SPTBN4: variants seen among roughly 807,000 people sequenced by gnomAD.
The protein encoded by SPTBN4 is spectrin beta chain, non-erythrocytic 4.
Under a neutral mutation model 277.8 loss-of-function variants are expected in SPTBN4, and 96 were observed. The ratio of observed to expected loss-of-function variants is 0.35; its 90% CI spans 0.29 to 0.41. SPTBN4 has a LOEUF of 0.41. Among genes scored for constraint, SPTBN4 ranks in the 10% least tolerant of loss-of-function variants. SPTBN4 has a pLI of 1.00. For missense variants in SPTBN4, 3,006 were observed against 3,595.7 expected, an observed-to-expected ratio of 0.84 and a Z score of 4.19; for synonymous variants, 1,481 against 1,580.3, an observed-to-expected ratio of 0.94 and a Z score of 1.49.
At chr19:40,575,014 CA>C (rs11458145) in intron 35 of SPTBN4, among the ~76,000 whole-genome samples, 4,028 of 90,058 alleles carry the variant, frequency 0.045, 43 homozygotes, top group South Asian at 0.062. Context: ...GACTCTGTCT[CA>C]AAAAAAAAAA....
intron 3 of SPTBN4, among the ~76,000 whole-genome samples, 187 bp downstream of exon 3, chr19:40,488,035 C>T (rs944529291): frequency 6.6e-6 from 1 of 151,922 alleles, no homozygotes; most frequent in Non-Finnish European, 1.5e-5. Flanking sequence ...TGGGGCGGAG[C>T]TTGGTCGTGA....
At position 40,517,659 on chromosome 19, in the gene SPTBN4, A is replaced by G. The variant is rs1599757063; in HGVS notation, c.2904-1742A>G. Among the ~76,000 whole-genome samples, 10 of 152,326 alleles carry G rather than the reference A, an allele frequency of 6.6e-5. No individual in the cohort carries two copies. The South Asian group carries it at 2.1e-3, about 32-fold the overall frequency. The stretch of plus-strand genomic sequence containing the variant: ...TATCCAGGGATTTTAAAACCTCTGT[A>G]GCCAAGACCATCGCAAAGCATCCAG... On this transcript the variant is annotated intron_variant, in intron 15 of 35. Coordinates refer to ENST00000598249, the MANE Select transcript of SPTBN4 (RefSeq NM_020971.3).
chr19:40,474,998 G>A (rs2079931368), intron 2 of SPTBN4, among the ~76,000 whole-genome samples: 1 of 152,044 alleles, frequency 6.6e-6, no homozygotes, highest in East Asian at 1.9e-4. Flanking sequence ...GCCTCCGAAA[G>A]TGCTTTGATT....
intron 20 of SPTBN4, among the ~76,000 whole-genome samples, chr19:40,535,130 A>C (rs936828875): frequency 6.6e-6 from 1 of 152,072 alleles, no homozygotes. Context: ...ATCTCAGTCC[A>C]TTGCAGCCTC....
At position 40,506,312 on chromosome 19, in the gene SPTBN4, A is replaced by T. The variant is rs537494452; in HGVS notation, c.1742A>T (p.Glu581Val). The T allele has an allele frequency of 6.2e-7, 1 of 1,614,066 alleles. No homozygotes were observed. The highest frequency in any genetic ancestry group is 1.1e-5 in the South Asian group (1 of 91,074). Residue 581 changes from glutamate to valine, a missense_variant, in exon 13 of 36, where the codon GAG (glutamate) becomes GTG (valine). This residue lies in a region of SPTBN4 where 1,759 missense variants were observed against 2,061.5 expected (regional missense o/e 0.85). Transcript: ENST00000598249. ...CTGTTGCAGAAGCATGGACTGCTGG[A>T]GGGAGACATTGCCGCCCAGAGCGAG... ...DDLLQKHGLL[E>V]GDIAAQSERV...
chr19:40,527,062 G>C (rs192056702), intron 17 of SPTBN4, among the ~76,000 whole-genome samples: 2 of 152,158 alleles, frequency 1.3e-5, no homozygotes, highest in Non-Finnish European at 2.9e-5. Flanking sequence ...TCAGTGCTTC[G>C]CTTGCTTGTC....
chr19:40,558,929 T>TATTATG (rs1178954562), intron 26 of SPTBN4, among the ~76,000 whole-genome samples: 1 of 141,392 alleles, frequency 7.1e-6, no homozygotes, highest in Non-Finnish European at 1.5e-5. Flanking sequence ...TTATTATTAT[T>TATTATG]ATTATTATTA....
chr19:40,514,361 T>C (rs557316136), intron 14 of SPTBN4, among the ~76,000 whole-genome samples: 1 of 152,226 alleles, frequency 6.6e-6, no homozygotes, highest in African/African-American at 2.4e-5. Context: ...GTGGCTGCCA[T>C]GTGGAGGGCA....
intron 12 of SPTBN4, among the ~76,000 whole-genome samples, chr19:40,505,666 T>C (rs1235791677): frequency 3.7e-5 from 5 of 133,642 alleles, no homozygotes; most frequent in African/African-American, 1.2e-4. Flanking sequence ...GCAGACTCTG[T>C]CTCAAAAAAA....
At chr19:40,556,994 G>C (rs755620911) in intron 25 of SPTBN4, 29 bp from the exon 26 acceptor site, 16 of 1,507,922 alleles carry the variant, frequency 1.1e-5, no homozygotes, top group Middle Eastern at 1.8e-4. Flanking sequence ...TCACTTTGCT[G>C]TACCCCCCCC....
At chr19:40,495,039 A>T (rs1458589829) in intron 6 of SPTBN4, 62 bp downstream of exon 6, 1 of 1,477,392 alleles carries the variant, frequency 6.8e-7, no homozygotes, top group Non-Finnish European at 9.5e-7. Context: ...CTGCAGCTGC[A>T]CACCTGTACA....
chr19:40,495,518 C>T (rs551062126), intron 6 of SPTBN4, among the ~76,000 whole-genome samples: 16 of 151,986 alleles, frequency 1.1e-4, no homozygotes, highest in African/African-American at 3.1e-4. Flanking sequence ...TGTGGTGGTG[C>T]GCCCCTGTAG....
In SPTBN4 at chr19:40,515,195, C is replaced by G. The variant is rs1209814058; in HGVS notation, c.2766-116C>G. The G allele has an allele frequency of 3.4e-6, 4 of 1,160,098 alleles. No individual in the cohort carries two copies. The highest frequency in any genetic ancestry group is 3.5e-6 in the Non-Finnish European group (3 of 862,326). 71.9% of individuals were successfully genotyped at this position (1,160,098 alleles called of 1,614,324 possible). ...CAGCAAGTAGAAGAGAAGGAGCCCA[C>G]AAAGGAGGCTGAAAAGAAGGGTGGA... On this transcript the variant is annotated intron_variant, in intron 14 of 35. Coordinates refer to ENST00000598249, the MANE Select transcript of SPTBN4 (RefSeq NM_020971.3). The surrounding 1 kb of genome is among the most constrained non-coding windows in gnomAD (Gnocchi z 4.1).
At chr19:40,478,850 A>G (rs946825540) in intron 2 of SPTBN4, among the ~76,000 whole-genome samples, 1 of 152,140 alleles carries the variant, frequency 6.6e-6, no homozygotes, top group Non-Finnish European at 1.5e-5. Context: ...GGCCTGTATG[A>G]CTTTCATAAA....
intron 15 of SPTBN4, among the ~76,000 whole-genome samples, chr19:40,517,358 T>G (rs1312926461): frequency 6.6e-6 from 1 of 151,850 alleles, no homozygotes; most frequent in African/African-American, 2.4e-5. Context: ...GGTACGATCA[T>G]GGCTCACTAC....
intron 7 of SPTBN4, among the ~76,000 whole-genome samples, chr19:40,501,071 G>A (rs966714744): frequency 2.0e-5 from 3 of 151,906 alleles, no homozygotes; most frequent in Non-Finnish European, 4.4e-5. Context: ...ATGGAGGCTT[G>A]TCTAAGGAAA....
At chr19:40,526,790 ATTGCCCAGGGTGGTTT>A (rs548648045) in intron 17 of SPTBN4, among the ~76,000 whole-genome samples, 44 of 151,260 alleles carry the variant, frequency 2.9e-4, no homozygotes, top group African/African-American at 1.1e-3. Context: ...GTCTCACTAT[ATTGCCCAGGGTGGTTT>A]CAAACTCCTG....
intron 12 of SPTBN4, among the ~76,000 whole-genome samples, chr19:40,504,760 A>T (rs956994737): frequency 1.3e-5 from 2 of 152,068 alleles, no homozygotes; most frequent in Non-Finnish European, 2.9e-5. Flanking sequence ...AGGCTCAAGA[A>T]TTGCTTGAAT....
At position 40,519,975 on chromosome 19, in the gene SPTBN4, G is replaced by A. The variant is rs1409982198; in HGVS notation, c.3478G>A (p.Asp1160Asn). Residue 1160 changes from aspartate (D) to asparagine (N), a missense_variant, in exon 16 of 36, where the codon GAC (aspartate) becomes AAC (asparagine). Asp to Asn is a conservative substitution (Grantham distance 23, BLOSUM62 1). Transcript: ENST00000598249. This position sits in a 1 kb window ranked among gnomAD's most constrained non-coding sequence, Gnocchi z 5.7. ...VAASEALLAA[D>N]GAELGPGLAL... Reference sequence around the variant, plus strand: ...GGCCAGCGAGGCGCTGCTGGCCGCCGACGGCGCAGAGCTGGGCCCGGGCCT... The same window carrying A: ...GGCCAGCGAGGCGCTGCTGGCCGCCAACGGCGCAGAGCTGGGCCCGGGCCT... 6.5e-7 allele frequency: 1 copy of A among 1,543,354 alleles called. No individual in the cohort carries two copies. Among genetic ancestry groups the A allele is most frequent in the Non-Finnish European group, 8.7e-7 (1 of 1,152,014 alleles).
Sources: allele counts gnomAD v4.1 joint callset (sites outside exome capture counted in the v4.1 genomes callset), GRCh38; gene constraint gnomAD v4.1.1; regional missense constraint gnomAD v4.1.1; non-coding constraint Gnocchi (gnomAD v3.1); transcripts MANE v1.5; gene names NCBI Gene and HGNC (gene_info 2026-07-23, HGNC 2026-07-21).